UBXN11: variants seen among roughly 807,000 people sequenced by gnomAD.
The protein encoded by UBXN11 is UBX domain protein 11.
UBXN11 carries 47 observed loss-of-function variants against 62.8 expected under a neutral mutation model. The observed-to-expected ratio is 0.75, with a 90% CI of 0.59 to 0.95. UBXN11 has a LOEUF of 0.95. Ranked by LOEUF, UBXN11 falls within the 40% of genes least tolerant of loss-of-function variation. The pLI, the probability that UBXN11 is intolerant of heterozygous loss-of-function variation, is 0.00. For missense variants in UBXN11, 638 were observed against 661.7 expected, an observed-to-expected ratio of 0.96 and a Z score of 0.39; for synonymous variants, 294 against 267.0, an observed-to-expected ratio of 1.10 and a Z score of -0.99.
intron 8 of UBXN11, among the ~76,000 whole-genome samples, chr1:26,289,148 G>A (rs2073199251): frequency 6.6e-6 from 1 of 152,190 alleles, no homozygotes; most frequent in African/African-American, 2.4e-5. Flanking sequence ...GGTGGGCACT[G>A]GAGGGCACTT....
intron 10 of UBXN11, chr1:26,285,004 A>G: frequency 1.0e-6 from 1 of 1,000,610 alleles, no homozygotes; most frequent in Non-Finnish European, 1.2e-6. Flanking sequence ...TAGAACACGA[A>G]GCCTCATGGG....
At position 26,282,812 on chromosome 1, in the gene UBXN11, G is replaced by A. The variant is rs2073031046; in HGVS notation, c.1152-23C>T. 4 of 1,613,982 alleles carry A rather than the reference G, an allele frequency of 2.5e-6. No individual in the cohort carries two copies. In the South Asian group the frequency reaches 4.4e-5, roughly 18 times the overall value. ...CTCCTGCACAGCCCAGAGGCCATCA[G>A]CACGCGGTGACCCAACGCCCCCAGG... On this transcript the variant is annotated intron_variant, in intron 13 of 14. Transcript: ENST00000374222.
intron 2 of UBXN11, among the ~76,000 whole-genome samples, chr1:26,302,315 G>A (rs1292153159): frequency 2.2e-5 from 3 of 134,734 alleles, no homozygotes; most frequent in East Asian, 4.4e-4. Flanking sequence ...AGCCAAGATC[G>A]TGCCACTGCA....
intron 8 of UBXN11, among the ~76,000 whole-genome samples, chr1:26,292,382 G>A (rs936868764): frequency 1.3e-5 from 2 of 152,146 alleles, no homozygotes; most frequent in Admixed American, 6.5e-5. Flanking sequence ...AGCTGGGTGT[G>A]GTGGCACGTG....
chr1:26,309,404 T>A (rs1055918497), upstream of UBXN11, among the ~76,000 whole-genome samples: 2 of 151,622 alleles, frequency 1.3e-5, no homozygotes, highest in Non-Finnish European at 2.9e-5. Context: ...CACCCCCAGC[T>A]AATTTTTGTA....
intron 1 of UBXN11, among the ~76,000 whole-genome samples, chr1:26,314,700 A>G (rs756140714): frequency 6.6e-6 from 1 of 152,220 alleles, no homozygotes; most frequent in Non-Finnish European, 1.5e-5. Flanking sequence ...GAGTAAGAGA[A>G]GTGACAAAAT....
intron 8 of UBXN11, 150 bp downstream of exon 8, chr1:26,294,055 A>G: frequency 8.0e-7 from 1 of 1,254,976 alleles, no homozygotes; most frequent in Non-Finnish European, 1.1e-6. Flanking sequence ...CTGCTCCCAC[A>G]TTGTCTCAGG....
intron 1 of UBXN11, among the ~76,000 whole-genome samples, chr1:26,316,564 G>A (rs1309922788): frequency 6.6e-6 from 1 of 152,104 alleles, no homozygotes. Flanking sequence ...ATACATGGCT[G>A]TGGCTTCAGA....
intron 1 of UBXN11, among the ~76,000 whole-genome samples, chr1:26,303,431 C>A (rs1570131849): frequency 6.6e-6 from 1 of 152,016 alleles, no homozygotes; most frequent in South Asian, 2.1e-4. Context: ...TCGAGATCAG[C>A]TGTCCGACAT....
At chr1:26,298,424 C>T (rs1246567493) in intron 4 of UBXN11, among the ~76,000 whole-genome samples, 1 of 152,166 alleles carries the variant, frequency 6.6e-6, no homozygotes, top group Non-Finnish European at 1.5e-5. Context: ...CGCAAAACAG[C>T]AGATAGAGGA....
chr1:26,300,069 G>T (rs544905111), intron 4 of UBXN11, among the ~76,000 whole-genome samples: 1 of 152,264 alleles, frequency 6.6e-6, no homozygotes, highest in Non-Finnish European at 1.5e-5. Context: ...TGAAATGGCC[G>T]CAGAACCTTA....
intron 12 of UBXN11, among the ~76,000 whole-genome samples, chr1:26,283,613 T>TAGGGTGG (rs2073054793): frequency 6.6e-6 from 1 of 151,950 alleles, no homozygotes; most frequent in African/African-American, 2.4e-5. Context: ...AACCCTAGAC[T>TAGGGTGG]AGGGTGGTGG....
At chr1:26,295,483 G>A (rs2073370182) in intron 7 of UBXN11, among the ~76,000 whole-genome samples, 1 of 152,134 alleles carries the variant, frequency 6.6e-6, no homozygotes, top group Non-Finnish European at 1.5e-5. Flanking sequence ...ACAGGATCCA[G>A]CCAGAACCAC....
intron 10 of UBXN11, chr1:26,285,048 C>G (rs1388929406): frequency 2.0e-6 from 2 of 1,013,574 alleles, no homozygotes; most frequent in Non-Finnish European, 2.4e-6. Flanking sequence ...GGGGCCAGCT[C>G]TACCTCATGT....
chr1:26,284,636 G>A (rs1030066543), intron 10 of UBXN11, 154 bp from the exon 11 acceptor site: 14 of 1,393,770 alleles, frequency 1.0e-5, no homozygotes, highest in African/African-American at 1.5e-5. Flanking sequence ...GAGAGCCACG[G>A]TTCGTACTGC....
chr1:26,297,605 C>A (rs1275300072), intron 5 of UBXN11, 124 bp from the exon 6 acceptor site: 1 of 1,186,818 alleles, frequency 8.4e-7, no homozygotes, highest in African/African-American at 1.5e-5. Context: ...CACCCTTTGG[C>A]ACAGCCACTT....
intron 1 of UBXN11, among the ~76,000 whole-genome samples, chr1:26,314,370 T>C (rs1185537000): frequency 2.0e-5 from 3 of 152,166 alleles, no homozygotes; most frequent in African/African-American, 4.8e-5. Context: ...TCTAGAACTA[T>C]AGTTTTTCTC....
chr1:26,294,268 T>C lies in UBXN11; in HGVS notation c.496A>G (p.Ser166Gly). 5 of 1,614,208 alleles carry C rather than the reference T, an allele frequency of 3.1e-6. No homozygotes were observed. Among genetic ancestry groups the C allele is most frequent in the Non-Finnish European group, 4.2e-6 (5 of 1,180,012 alleles). The change falls in exon 8 of 15, where the codon AGC (serine) becomes GGC (glycine). Residue 166 changes from serine (S) to glycine (G), a missense_variant. Transcript: ENST00000374222. ...TCGCCATGCTCTGAGACTGTCTTGC[T>C]CTCTGAGTCCTCCTGGTCCATGGGC... ...GEPMDQEDSE[S>G]KTVSEHGERD...
At position 26,298,044 on chromosome 1, in the gene UBXN11, G is replaced by A. The variant is rs766490537; in HGVS notation, c.218C>T (p.Ser73Leu). 10 of 1,613,582 alleles carry A rather than the reference G, an allele frequency of 6.2e-6. No individual in the cohort carries two copies. Among genetic ancestry groups the A allele is most frequent in the East Asian group, 2.2e-5 (1 of 44,888 alleles). ...VSRQVPASHDSELMAFMTRKL... is the reference protein window; with the variant it reads ...VSRQVPASHDLELMAFMTRKL... ...CCTCGTCATGAAGGCCATCAGCTCC[G>A]AGTCATGGGATGCAGGGACTGCCAA... Residue 73 changes from serine (S) to leucine (L), a missense_variant, in exon 5 of 15, where the codon TCG becomes TTG. Ser to Leu is a moderately radical substitution (Grantham distance 145). Coordinates refer to ENST00000374222, the MANE Select transcript of UBXN11 (RefSeq NM_001389556.1).
Sources: allele counts gnomAD v4.1 joint callset (sites outside exome capture counted in the v4.1 genomes callset), GRCh38; gene constraint gnomAD v4.1.1; transcripts MANE v1.5; gene names NCBI Gene and HGNC (gene_info 2026-07-23, HGNC 2026-07-21).